The following CSMD3 variants were observed in gnomAD, a reference collection of about 807,000 sequenced individuals.
The protein encoded by CSMD3 is CUB and Sushi multiple domains 3.
In CSMD3, 177 loss-of-function variants were observed where a neutral mutation model predicts 435.2. The ratio of observed to expected loss-of-function variants is 0.41; its 90% confidence interval spans 0.36 to 0.46. The LOEUF (loss-of-function observed/expected upper bound fraction) is 0.46, where lower values mean the gene tolerates loss of function less well. CSMD3 is among the 20% of genes least tolerant of loss of function. The pLI is 0.34. For missense variants in CSMD3, 4,265 were observed against 4,504.6 expected (o/e 0.95, Z 1.52); for synonymous variants, 1,656 against 1,520.5 (o/e 1.09, Z -2.07).
At chr8:112,999,402 G>C (rs1036368458) in intron 6 of CSMD3, among the ~76,000 whole-genome samples, 12 of 151,830 alleles carry the variant, frequency 7.9e-5, no homozygotes, top group African/African-American at 2.9e-4. Flanking sequence ...GTGACATTTT[G>C]AGGACCAGCA....
chr8:112,654,939 A>G (rs907311787), intron 18 of CSMD3, among the ~76,000 whole-genome samples: 3 of 152,188 alleles, frequency 2.0e-5, no homozygotes, highest in African/African-American at 7.2e-5. Flanking sequence ...TAGTAAATAC[A>G]TGTTAGACTC....
rs902643688 is a variant in CSMD3, at chr8:112,223,218, A to G, written c.*1553T>C. The G allele has an allele frequency of 5.1e-6, 2 of 391,820 alleles. No individual in the cohort carries two copies. Among genetic ancestry groups the G allele is most frequent in the Admixed American group, 4.4e-5 (1 of 22,492 alleles). 24.3% of individuals were successfully genotyped at this position (391,820 alleles called of 1,614,324 possible). On this transcript the variant is annotated 3_prime_UTR_variant, in exon 71 of 71. Transcript: ENST00000297405. ...ATCCTGCCAGTAGAGTACCATGTTGAGAAAATTGTATGAATTTCCAAAACA... is the reference window on the plus strand; with the variant it reads ...ATCCTGCCAGTAGAGTACCATGTTGGGAAAATTGTATGAATTTCCAAAACA...
chr8:113,372,194 T>C (rs138749327), intron 1 of CSMD3, among the ~76,000 whole-genome samples: 239 of 152,322 alleles, frequency 1.6e-3, no homozygotes, highest in African/African-American at 5.6e-3. Flanking sequence ...AGGTATTTTG[T>C]AATTTAAAAA....
intron 20 of CSMD3, among the ~76,000 whole-genome samples, chr8:112,639,316 G>C (rs924827537): frequency 1.3e-5 from 2 of 151,986 alleles, no homozygotes; most frequent in Non-Finnish European, 2.9e-5. Context: ...TAATATTATA[G>C]CACTTAACTT....
intron 1 of CSMD3, among the ~76,000 whole-genome samples, chr8:113,323,154 T>C (rs866681065): frequency 6.6e-6 from 1 of 152,154 alleles, no homozygotes; most frequent in African/African-American, 2.4e-5. Context: ...CTAATCACTG[T>C]CTGAAATTAT....
rs530152457 is a variant in CSMD3, at chr8:113,339,556, A to AT, written c.179-24764dup. Among the ~76,000 whole-genome samples, 47 of 152,138 alleles carry AT rather than the reference A, an allele frequency of 3.1e-4. No individual in the cohort carries two copies. The East Asian group carries it at 8.7e-3, about 28-fold the overall frequency. ...TACCTCTCTTAGGAGAAATAATATA[A>AT]TTTGATATTGGTGAATTTCTAGTGT... On this transcript the variant is annotated intron_variant, in intron 1 of 70. Coordinates refer to ENST00000297405, the MANE Select transcript of CSMD3 (RefSeq NM_198123.2).
intron 4 of CSMD3, among the ~76,000 whole-genome samples, chr8:113,138,561 A>G (rs2091471643): frequency 1.3e-5 from 2 of 151,442 alleles, no homozygotes; most frequent in South Asian, 2.1e-4. Context: ...TAAAACTTCA[A>G]TGCTTTTATA....
At chr8:113,064,565 GCAGGA>G in intron 5 of CSMD3, among the ~76,000 whole-genome samples, 1 of 152,066 alleles carries the variant, frequency 6.6e-6, no homozygotes, top group Admixed American at 6.6e-5. Flanking sequence ...AAATAATACA[GCAGGA>G]TAAAACTAAG....
intron 13 of CSMD3, among the ~76,000 whole-genome samples, chr8:112,781,146 C>T (rs546169581): frequency 6.6e-6 from 1 of 151,716 alleles, no homozygotes; most frequent in Non-Finnish European, 1.5e-5. Context: ...TCCTAAAGTC[C>T]CTGATTCCAG....
intron 38 of CSMD3, among the ~76,000 whole-genome samples, chr8:112,379,528 A>G (rs1829276387): frequency 1.3e-5 from 2 of 152,122 alleles, no homozygotes; most frequent in African/African-American, 4.8e-5. Context: ...GATACAAAAG[A>G]CACAAATAAA....
chr8:112,310,881 T>G (rs772357616), intron 50 of CSMD3, 97 bp downstream of exon 50: 6 of 993,374 alleles, frequency 6.0e-6, no homozygotes, highest in Non-Finnish European at 9.5e-6. Context: ...CTTCCGAATA[T>G]TTCCATTCTC....
intron 31 of CSMD3, among the ~76,000 whole-genome samples, chr8:112,481,334 A>G (rs1819605533): frequency 6.6e-6 from 1 of 152,236 alleles, no homozygotes; most frequent in South Asian, 2.1e-4. Context: ...TAGAGACATT[A>G]TAATACAGGC....
chr8:113,294,481 A>T (rs575709212), intron 2 of CSMD3, among the ~76,000 whole-genome samples: 1 of 152,276 alleles, frequency 6.6e-6, no homozygotes, highest in African/African-American at 2.4e-5. Flanking sequence ...GCAAACGGAA[A>T]AGTCAGAAAT....
chr8:112,299,909 G>A (rs1293277989), intron 53 of CSMD3, among the ~76,000 whole-genome samples: 1 of 151,540 alleles, frequency 6.6e-6, no homozygotes, highest in Non-Finnish European at 1.5e-5. Context: ...TTCCTGTTAT[G>A]CCCTGTCTTT....
chr8:112,413,574 A>G (rs1811585641), intron 32 of CSMD3, among the ~76,000 whole-genome samples: 1 of 152,186 alleles, frequency 6.6e-6, no homozygotes, highest in African/African-American at 2.4e-5. Context: ...TTCTCACTAC[A>G]GACCAACAGT....
At chr8:112,702,902 C>T (rs1373553562) in intron 13 of CSMD3, among the ~76,000 whole-genome samples, 1 of 152,078 alleles carries the variant, frequency 6.6e-6, no homozygotes, top group East Asian at 1.9e-4. Context: ...CTGTCAATAG[C>T]TAGAGATATG....
chr8:113,192,316 T>G (rs1275741848), intron 3 of CSMD3, among the ~76,000 whole-genome samples: 17 of 151,474 alleles, frequency 1.1e-4, no homozygotes, highest in Non-Finnish European at 4.4e-5. Flanking sequence ...ACAGTTGTTG[T>G]TTTTTTTATA....
In CSMD3 at chr8:112,291,678, G is replaced by T. The variant is rs747460983; in HGVS notation, c.8806C>A (p.Pro2936Thr). Residue 2936 changes from proline (P) to threonine (T), a missense_variant, in exon 56 of 71, where the codon CCT becomes ACT. Physicochemically the swap from Pro to Thr is conservative, Grantham distance 38. Coordinates refer to ENST00000297405, the MANE Select transcript of CSMD3 (RefSeq NM_198123.2). ...CTTTTAGAATTGGCTGGAATTCCAG[G>T]ATCAGAACAGTTGACCACTAAACAA... ...PMCKVVNCSD[P>T]GIPANSKRES... is the part of the protein sequence containing the mutation. 1 of 1,611,814 alleles carries T rather than the reference G, an allele frequency of 6.2e-7. No homozygotes were observed. The highest frequency in any genetic ancestry group is 8.5e-7 in the Non-Finnish European group (1 of 1,178,316).
intron 13 of CSMD3, among the ~76,000 whole-genome samples, chr8:112,721,652 A>G (rs186996365): frequency 6.6e-6 from 1 of 152,278 alleles, no homozygotes; most frequent in Admixed American, 6.5e-5. Flanking sequence ...CTAGACTTTT[A>G]CTAATGCATT....
Sources: allele counts gnomAD v4.1 joint callset (sites outside exome capture counted in the v4.1 genomes callset), GRCh38; gene constraint gnomAD v4.1.1; transcripts MANE v1.5; gene names NCBI Gene and HGNC (gene_info 2026-07-23, HGNC 2026-07-21).